The following PTPRT variants were observed in gnomAD, a reference collection of about 807,000 sequenced individuals.
PTPRT encodes the protein receptor-type tyrosine-protein phosphatase T.
Under a neutral mutation model 176.8 loss-of-function variants are expected in PTPRT, and 56 were observed. The observed-to-expected ratio is 0.32, with a 90% CI of 0.26 to 0.40. The LOEUF (loss-of-function observed/expected upper bound fraction) is 0.40, where lower values mean the gene tolerates loss of function less well. Among genes scored for constraint, PTPRT ranks in the 10% least tolerant of loss-of-function variants. The probability of loss-of-function intolerance (pLI) is 1.00; values close to 1 mark genes in which losing one functional copy is unlikely to be tolerated. For synonymous variants in PTPRT, 783 were observed against 739.0 expected (o/e 1.06, Z -0.96); for missense variants, 1,540 against 1,908.2 (o/e 0.81, Z 3.60).
intron 18 of PTPRT, among the ~76,000 whole-genome samples, chr20:42,139,683 G>C (rs1387638828): frequency 6.6e-6 from 1 of 152,242 alleles, no homozygotes. Flanking sequence ...GATGCAGGCA[G>C]GGCAGGGCTA....
intron 1 of PTPRT, among the ~76,000 whole-genome samples, chr20:43,052,860 T>C (rs1254259329): frequency 6.6e-6 from 1 of 152,244 alleles, no homozygotes; most frequent in African/African-American, 2.4e-5. Flanking sequence ...ATTTGTCTCT[T>C]CTGGCATTTC....
intron 1 of PTPRT, among the ~76,000 whole-genome samples, chr20:43,112,922 T>TTCATGATA (rs1277845952): frequency 1.3e-5 from 2 of 152,170 alleles, no homozygotes; most frequent in Non-Finnish European, 2.9e-5. Context: ...GTGTAACTCA[T>TTCATGATA]TCATGATATA....
At chr20:42,418,748 C>T (rs1251705546) in intron 9 of PTPRT, among the ~76,000 whole-genome samples, 1 of 152,080 alleles carries the variant, frequency 6.6e-6, no homozygotes, top group African/African-American at 2.4e-5. Flanking sequence ...CCATAGGGGC[C>T]GGGTCATGTT....
intron 6 of PTPRT, among the ~76,000 whole-genome samples, chr20:42,714,194 T>C (rs993591055): frequency 4.6e-5 from 7 of 152,172 alleles, no homozygotes; most frequent in African/African-American, 1.7e-4. Flanking sequence ...GTCTACTTCC[T>C]TCCAGCTTTA....
At chr20:42,266,949 CTT>C (rs1263379495) in intron 13 of PTPRT, among the ~76,000 whole-genome samples, 2 of 152,088 alleles carry the variant, frequency 1.3e-5, no homozygotes, top group African/African-American at 2.4e-5. Context: ...ACACCAAAGA[CTT>C]AGTACAAAAA....
rs571687782 is a variant in PTPRT at position 42,173,598 on chromosome 20, A to G, written c.2492-12056T>C. Among the ~76,000 whole-genome samples the G allele has an allele frequency of 1.1e-4, 16 of 152,272 alleles. No homozygotes were observed. In the South Asian group the frequency reaches 3.3e-3, roughly 32 times the overall value. ...TTGTATAAACAATACATTTGGAAAAAAAATGAAAGGTCGTTGAGTTTGCCA... is the reference window on the plus strand; with the variant it reads ...TTGTATAAACAATACATTTGGAAAAGAAATGAAAGGTCGTTGAGTTTGCCA... On this transcript the variant is annotated intron_variant, in intron 16 of 30. Transcript: ENST00000373187.
At chr20:42,257,564 C>A (rs1219444090) in intron 13 of PTPRT, among the ~76,000 whole-genome samples, 3 of 151,190 alleles carry the variant, frequency 2.0e-5, no homozygotes, top group Non-Finnish European at 2.9e-5. Flanking sequence ...TTAGCACCAT[C>A]CCCTTTGGTA....
At chr20:43,092,747 G>T (rs1238335326) in intron 1 of PTPRT, among the ~76,000 whole-genome samples, 2 of 152,124 alleles carry the variant, frequency 1.3e-5, no homozygotes, top group Non-Finnish European at 2.9e-5. Flanking sequence ...GATAACAGTT[G>T]TTCCATTTCC....
intron 6 of PTPRT, among the ~76,000 whole-genome samples, chr20:42,732,092 G>A (rs1325785026): frequency 6.6e-6 from 1 of 152,134 alleles, no homozygotes; most frequent in African/African-American, 2.4e-5. Flanking sequence ...ATCTCTCCCT[G>A]TAGAATAGTG....
chr20:42,678,671 T>C (rs1050218393), intron 6 of PTPRT, among the ~76,000 whole-genome samples: 2 of 152,210 alleles, frequency 1.3e-5, no homozygotes, highest in Non-Finnish European at 2.9e-5. Flanking sequence ...TGAATCAGTA[T>C]TTCTTCAATA....
At chr20:42,509,767 C>T (rs1279947228) in intron 7 of PTPRT, among the ~76,000 whole-genome samples, 1 of 151,946 alleles carries the variant, frequency 6.6e-6, no homozygotes, top group Non-Finnish European at 1.5e-5. Context: ...ACAGGTTGTA[C>T]CTGCTGTTTC....
At chr20:42,847,593 C>T (rs975588545) in intron 2 of PTPRT, among the ~76,000 whole-genome samples, 4 of 152,172 alleles carry the variant, frequency 2.6e-5, no homozygotes, top group Non-Finnish European at 5.9e-5. Context: ...TATACATGTT[C>T]AGCCCTCATC....
intron 16 of PTPRT, among the ~76,000 whole-genome samples, chr20:42,165,036 G>C (rs749213238): frequency 6.6e-6 from 1 of 152,046 alleles, no homozygotes; most frequent in African/African-American, 2.4e-5. Flanking sequence ...TACTGCCCGC[G>C]AGGAGCTTGT....
intron 7 of PTPRT, among the ~76,000 whole-genome samples, chr20:42,472,852 T>C (rs2071222997): frequency 6.6e-6 from 1 of 152,226 alleles, no homozygotes; most frequent in Non-Finnish European, 1.5e-5. Context: ...GTTAAATTCT[T>C]AAGGGTGCAT....
At chr20:43,154,512 G>A (rs2014458283) in intron 1 of PTPRT, among the ~76,000 whole-genome samples, 1 of 152,182 alleles carries the variant, frequency 6.6e-6, no homozygotes, top group South Asian at 2.1e-4. Context: ...GGACTTTTGT[G>A]ATTCCAAACA....
chr20:42,628,102 G>A lies in PTPRT; in HGVS notation c.1153+49764C>T, dbSNP rs138883300. On this transcript the variant is annotated intron_variant, in intron 7 of 30. Coordinates refer to ENST00000373187, the MANE Select transcript of PTPRT (RefSeq NM_007050.6). Reference sequence around the variant, plus strand: ...TGGACATTAACAAGACACACAGGGTGGGGAAAGAAGGCAAATGGGAGTGCA... The same window carrying A: ...TGGACATTAACAAGACACACAGGGTAGGGAAAGAAGGCAAATGGGAGTGCA... Among the ~76,000 whole-genome samples, 1,314 of 152,228 alleles carry A rather than the reference G, an allele frequency of 8.6e-3. 12 individuals carry two copies. The highest frequency in any genetic ancestry group is 0.012 in the Non-Finnish European group (789 of 68,020).
rs546440726 is a variant in PTPRT, at chr20:42,580,911, G to C, written c.1153+96955C>G. Among the ~76,000 whole-genome samples, 189 of 152,194 alleles carry C rather than the reference G, an allele frequency of 1.2e-3. 1 individual carries two copies. Among genetic ancestry groups the C allele is most frequent in the African/African-American group, 4.4e-3 (181 of 41,528 alleles). On this transcript the variant is annotated intron_variant, in intron 7 of 30. Coordinates refer to ENST00000373187, the MANE Select transcript of PTPRT (RefSeq NM_007050.6). ...TACCCTTTATTTCCTTCTCCTGCCT[G>C]ATTGCCCTGGCCAGAACTTCCAACA...
intron 6 of PTPRT, among the ~76,000 whole-genome samples, 193 bp downstream of exon 6, chr20:42,756,269 T>C (rs1044108423): frequency 1.3e-5 from 2 of 152,356 alleles, no homozygotes; most frequent in South Asian, 2.1e-4. Flanking sequence ...GGAATAGCAA[T>C]GCAATGTTGC....
Position 42,352,140 on chromosome 20 carries a change from C to T in PTPRT, c.1706G>A (p.Ser569Asn), listed in dbSNP as rs1270678016. ...GTTYSFTIKA[S>N]TAKGFGPPVT... Reference sequence around the variant, plus strand: ...AGGGGGCCCAAAGCCCTTTGCTGTGCTGGCCTTGATGGTGAAGGAATAGGT... The same window carrying T: ...AGGGGGCCCAAAGCCCTTTGCTGTGTTGGCCTTGATGGTGAAGGAATAGGT... The change falls in exon 10 of 31, where the codon AGC (serine) becomes AAC (asparagine). Residue 569 changes from serine to asparagine, a missense_variant. By Grantham distance (46) the Ser-to-Asn change is conservative. Around this residue, in one of 11 missense-constraint regions of PTPRT, gnomAD observed 136 missense variants for 135.0 expected, o/e 1.01. Transcript: ENST00000373187. The T allele has an allele frequency of 1.2e-6, 2 of 1,614,170 alleles. No individual in the cohort carries two copies. The highest frequency in any genetic ancestry group is 1.7e-6 in the Non-Finnish European group (2 of 1,180,022).
Sources: allele counts gnomAD v4.1 joint callset (sites outside exome capture counted in the v4.1 genomes callset), GRCh38; gene constraint gnomAD v4.1.1; regional missense constraint gnomAD v4.1.1; transcripts MANE v1.5; gene names NCBI Gene and HGNC (gene_info 2026-07-23, HGNC 2026-07-21).